Variants in CBFA2T2 observed in about 807,000 individuals in gnomAD.
CBFA2T2 encodes the protein protein CBFA2T2.
In CBFA2T2, 11 loss-of-function variants were observed where a neutral mutation model predicts 62.2. The ratio of observed to expected loss-of-function variants is 0.18; its 90% confidence interval spans 0.11 to 0.29. CBFA2T2 has a LOEUF of 0.29. CBFA2T2 is among the 10% of genes least tolerant of loss of function. The pLI, the probability that CBFA2T2 is intolerant of heterozygous loss-of-function variation, is 1.00. For synonymous variants in CBFA2T2, 295 were observed against 287.5 expected (o/e 1.03, Z -0.27); for missense variants, 592 against 774.1 (o/e 0.76, Z 2.79).
chr20:33,640,776 C>T (rs2016806798), intron 10 of CBFA2T2, among the ~76,000 whole-genome samples: 1 of 152,098 alleles, frequency 6.6e-6, no homozygotes, highest in South Asian at 2.1e-4. Flanking sequence ...GAGAGAGGCT[C>T]AGTGTATTGG....
chr20:33,637,821 C>T (rs1021376177), intron 9 of CBFA2T2, among the ~76,000 whole-genome samples: 3 of 152,016 alleles, frequency 2.0e-5, no homozygotes, highest in African/African-American at 7.2e-5. Flanking sequence ...GCATGCACCA[C>T]CACGCCTGGC....
At chr20:33,589,683 C>T (rs941797204) in intron 1 of CBFA2T2, among the ~76,000 whole-genome samples, 5 of 152,090 alleles carry the variant, frequency 3.3e-5, no homozygotes, top group Admixed American at 1.3e-4. Flanking sequence ...GGAAATATCC[C>T]CACTATCAGA....
At chr20:33,585,514 G>C (rs1205322216) in intron 1 of CBFA2T2, among the ~76,000 whole-genome samples, 1 of 152,116 alleles carries the variant, frequency 6.6e-6, no homozygotes, top group Non-Finnish European at 1.5e-5. Context: ...AGTTCACATT[G>C]ACATGCTGTT....
chr20:33,640,815 CAG>C (rs1350901108), intron 10 of CBFA2T2, among the ~76,000 whole-genome samples: 1 of 152,042 alleles, frequency 6.6e-6, no homozygotes, highest in African/African-American at 2.4e-5. Flanking sequence ...ACCCTAAAGA[CAG>C]AGTTTGTGTG....
chr20:33,606,065 C>T (rs370578876), intron 1 of CBFA2T2, among the ~76,000 whole-genome samples: 10 of 152,036 alleles, frequency 6.6e-5, no homozygotes, highest in South Asian at 4.2e-4. Flanking sequence ...GTGATCCACC[C>T]GCCTCAGCCT....
intron 1 of CBFA2T2, among the ~76,000 whole-genome samples, chr20:33,590,248 CA>C (rs111328507): frequency 0.033 from 3,455 of 103,538 alleles, 98 homozygotes; most frequent in African/African-American, 0.094. Flanking sequence ...TCTTTTTTTA[CA>C]AAAAAAAAAA....
intron 1 of CBFA2T2, among the ~76,000 whole-genome samples, chr20:33,494,714 T>C (rs552678508): frequency 8.5e-5 from 13 of 152,208 alleles, no homozygotes; most frequent in African/African-American, 2.6e-4. Context: ...TTCTCCTGCC[T>C]CAGCCTTCCA....
At chr20:33,533,568 TTTGAG>T (rs2012118689) in intron 1 of CBFA2T2, among the ~76,000 whole-genome samples, 1 of 152,166 alleles carries the variant, frequency 6.6e-6, no homozygotes, top group Non-Finnish European at 1.5e-5. Context: ...TGGATAGATG[TTTGAG>T]TTGTTTCCAG....
At chr20:33,499,048 G>GA (rs11406629) in intron 1 of CBFA2T2, among the ~76,000 whole-genome samples, 27,770 of 137,598 alleles carry the variant, frequency 0.2, 2,911 homozygotes, top group East Asian at 0.37. Flanking sequence ...CGTCTAAAAA[G>GA]AAAAAAAAAA....
chr20:33,608,102 C>T (rs148274549), intron 2 of CBFA2T2, among the ~76,000 whole-genome samples: 210 of 152,324 alleles, frequency 1.4e-3, no homozygotes, highest in African/African-American at 4.8e-3. Flanking sequence ...TGAATTTCCA[C>T]GTGCCCTGTA....
At chr20:33,573,228 A>T (rs137889728) in intron 1 of CBFA2T2, among the ~76,000 whole-genome samples, 1 of 152,180 alleles carries the variant, frequency 6.6e-6, no homozygotes, top group East Asian at 1.9e-4. Context: ...GATGATTAAT[A>T]AGTAATATAT....
intron 1 of CBFA2T2, among the ~76,000 whole-genome samples, chr20:33,492,022 A>G (rs948514147): frequency 6.6e-6 from 1 of 151,814 alleles, no homozygotes; most frequent in Non-Finnish European, 1.5e-5. Flanking sequence ...AGCTGCGATT[A>G]CAGGCGCCTG....
At chr20:33,552,977 C>T (rs2012778851) in intron 1 of CBFA2T2, among the ~76,000 whole-genome samples, 1 of 152,148 alleles carries the variant, frequency 6.6e-6, no homozygotes, top group South Asian at 2.1e-4. Context: ...GTCTATATAG[C>T]ACACCCCTTA....
intron 8 of CBFA2T2, among the ~76,000 whole-genome samples, chr20:33,634,409 C>G (rs545224451): frequency 5.1e-4 from 78 of 152,186 alleles, no homozygotes; most frequent in African/African-American, 1.3e-3. Context: ...TGGTGGCTGA[C>G]GCCAGTAATC....
intron 1 of CBFA2T2, among the ~76,000 whole-genome samples, chr20:33,545,396 C>T (rs1055841876): frequency 6.7e-6 from 1 of 149,830 alleles, no homozygotes; most frequent in African/African-American, 2.5e-5. Flanking sequence ...TAGTGGGATT[C>T]CCAAATGAAA....
chr20:33,624,236 T>TAAAA (rs373462820), intron 5 of CBFA2T2, among the ~76,000 whole-genome samples: 9 of 70,030 alleles, frequency 1.3e-4, no homozygotes, highest in Admixed American at 1.8e-4. Flanking sequence ...TTTTTAAAAG[T>TAAAA]AAAAAAAAAA....
chr20:33,586,936 TTTATC>T (rs2014394027), intron 1 of CBFA2T2, among the ~76,000 whole-genome samples: 1 of 152,096 alleles, frequency 6.6e-6, no homozygotes, highest in African/African-American at 2.4e-5. Context: ...TTTATTTTAT[TTTATC>T]TTATTTAATT....
At chr20:33,623,758 T>C (rs1398249197) in intron 5 of CBFA2T2, 3 of 707,906 alleles carry the variant, frequency 4.2e-6, no homozygotes, top group Non-Finnish European at 7.9e-6. Context: ...ATTTTTGCTT[T>C]ATTCCAATAC....
intron 1 of CBFA2T2, among the ~76,000 whole-genome samples, chr20:33,530,949 A>AGGCGCCTGTAATCGC (rs963302749): frequency 2.6e-5 from 4 of 152,012 alleles, no homozygotes; most frequent in African/African-American, 9.7e-5. Flanking sequence ...GTGTGGTGGC[A>AGGCGCCTGTAATCGC]GGCGCCTGTA....
Sources: gnomAD v4.1 joint callset for allele counts (sites outside exome capture counted in the v4.1 genomes callset) on GRCh38, gnomAD v4.1.1 for gene constraint, MANE v1.5 for transcripts, NCBI Gene and HGNC (gene_info 2026-07-23, HGNC 2026-07-21) for gene names.